SLC24A3: variants seen among roughly 807,000 people sequenced by gnomAD.
SLC24A3 encodes the protein sodium/potassium/calcium exchanger 3.
A neutral mutation model predicts 75.8 loss-of-function variants in SLC24A3; 28 were observed. That is an observed-to-expected ratio of 0.37 (90% CI 0.27 to 0.51). SLC24A3 has a LOEUF of 0.51. Among genes scored for constraint, SLC24A3 ranks in the 20% least tolerant of loss-of-function variants. The pLI, the probability that SLC24A3 is intolerant of heterozygous loss-of-function variation, is 0.94. For missense variants in SLC24A3, 663 were observed against 847.8 expected (o/e 0.78, Z 2.71); for synonymous variants, 372 against 334.1 (o/e 1.11, Z -1.24).
intron 8 of SLC24A3, among the ~76,000 whole-genome samples, chr20:19,670,821 C>G (rs6112507): frequency 1.3e-5 from 2 of 152,144 alleles, no homozygotes; most frequent in South Asian, 4.1e-4. Context: ...GGAGTGTCAC[C>G]TGCACAGATG....
chr20:19,611,594 T>A (rs542532476), intron 6 of SLC24A3, among the ~76,000 whole-genome samples: 1 of 152,334 alleles, frequency 6.6e-6, no homozygotes, highest in South Asian at 2.1e-4. Flanking sequence ...GGAATTGGGA[T>A]GGTTTGTTCC....
In SLC24A3 at chr20:19,360,629, C is replaced by T. The variant is rs568308429; in HGVS notation, c.271+79542C>T. On this transcript the variant is annotated intron_variant, in intron 2 of 16. Coordinates refer to ENST00000328041, the MANE Select transcript of SLC24A3 (RefSeq NM_020689.4). ...TTGGTATCTTAACATGTGGATATTA[C>T]AACATCTGAACCTGTGAATGTCTAC... is the stretch of plus-strand genomic sequence containing the variant. Among the ~76,000 whole-genome samples the T allele has an allele frequency of 5.9e-5, 9 of 152,322 alleles. No individual in the cohort carries two copies. In the South Asian group the frequency reaches 1.7e-3, roughly 28 times the overall value.
rs369292232 is a variant in SLC24A3 at position 19,303,433 on chromosome 20, C to G, written c.271+22346C>G. On this transcript the variant is annotated intron_variant, in intron 2 of 16. Coordinates refer to ENST00000328041, the MANE Select transcript of SLC24A3 (RefSeq NM_020689.4). Reference sequence around the variant, plus strand: ...CCGTTGATGGGCATTTAGGTTGATTCCATGTCCTTGCTATTGTGAATAGTG... The same window carrying G: ...CCGTTGATGGGCATTTAGGTTGATTGCATGTCCTTGCTATTGTGAATAGTG... Among the ~76,000 whole-genome samples, 84 of 152,310 alleles carry G rather than the reference C, an allele frequency of 5.5e-4. 1 individual carries two copies. In the South Asian group the frequency reaches 0.017, roughly 32 times the overall value.
At chr20:19,606,175 T>C (rs995613483) in intron 6 of SLC24A3, among the ~76,000 whole-genome samples, 4 of 152,198 alleles carry the variant, frequency 2.6e-5, no homozygotes, top group African/African-American at 9.6e-5. Flanking sequence ...TACCCAGGGG[T>C]GCAGGTGAGG....
intron 2 of SLC24A3, among the ~76,000 whole-genome samples, chr20:19,501,291 C>T (rs898233256): frequency 6.6e-6 from 1 of 152,130 alleles, no homozygotes; most frequent in East Asian, 1.9e-4. Context: ...ACAACTAAGC[C>T]AAATTTTCAC....
At chr20:19,278,395 G>A (rs924100106) in intron 1 of SLC24A3, among the ~76,000 whole-genome samples, 8 of 152,138 alleles carry the variant, frequency 5.3e-5, no homozygotes, top group Admixed American at 1.3e-4. Flanking sequence ...ATCACCTCCC[G>A]TATAAACCAC....
chr20:19,569,329 C>T (rs777997355), intron 3 of SLC24A3, among the ~76,000 whole-genome samples: 4 of 152,168 alleles, frequency 2.6e-5, no homozygotes, highest in Non-Finnish European at 5.9e-5. Flanking sequence ...CTTAGTACAT[C>T]GGCAGTGAGG....
intron 6 of SLC24A3, among the ~76,000 whole-genome samples, chr20:19,639,670 G>A (rs985981107): frequency 8.5e-5 from 13 of 152,238 alleles, no homozygotes; most frequent in Admixed American, 3.3e-4. Context: ...ACTGGGTGCC[G>A]AGGAGCAGGG....
chr20:19,560,477 G>A (rs2030857800), intron 3 of SLC24A3, among the ~76,000 whole-genome samples: 1 of 152,232 alleles, frequency 6.6e-6, no homozygotes, highest in Non-Finnish European at 1.5e-5. Flanking sequence ...TGAGGTGTGG[G>A]TAGGAAGCTG....
At chr20:19,489,390 A>G (rs1006347329) in intron 2 of SLC24A3, among the ~76,000 whole-genome samples, 1 of 152,240 alleles carries the variant, frequency 6.6e-6, no homozygotes, top group Non-Finnish European at 1.5e-5. Context: ...TTTAATTAAC[A>G]TTGCAGGTTA....
At chr20:19,685,034 A>G (rs1008579473) in intron 11 of SLC24A3, 66 bp from the exon 12 acceptor site, 4 of 1,521,994 alleles carry the variant, frequency 2.6e-6, no homozygotes, top group Non-Finnish European at 3.5e-6. Flanking sequence ...CCAACAGCTC[A>G]TGTTCTGAGT....
chr20:19,268,407 C>G (rs1983228878), intron 1 of SLC24A3, among the ~76,000 whole-genome samples: 1 of 152,300 alleles, frequency 6.6e-6, no homozygotes, highest in South Asian at 2.1e-4. Flanking sequence ...GCACACAATT[C>G]TGAAGGTGGG....
chr20:19,670,095 C>T (rs532790770), intron 8 of SLC24A3, among the ~76,000 whole-genome samples: 94 of 152,060 alleles, frequency 6.2e-4, no homozygotes, highest in African/African-American at 2.2e-3. Context: ...GGAAACATGT[C>T]GTACAAAACC....
intron 9 of SLC24A3, among the ~76,000 whole-genome samples, chr20:19,677,008 G>A (rs1016155597): frequency 6.6e-6 from 1 of 152,178 alleles, no homozygotes; most frequent in Admixed American, 6.5e-5. Context: ...TATTCCATGA[G>A]AACGGAATGT....
intron 2 of SLC24A3, among the ~76,000 whole-genome samples, chr20:19,511,383 A>G (rs1988535159): frequency 6.7e-6 from 1 of 150,340 alleles, no homozygotes; most frequent in Non-Finnish European, 1.5e-5. Flanking sequence ...GCTGGAGTAC[A>G]GTGGCGTGAT....
chr20:19,351,099 G>A (rs1369623407), intron 2 of SLC24A3, among the ~76,000 whole-genome samples: 1 of 152,192 alleles, frequency 6.6e-6, no homozygotes, highest in East Asian at 1.9e-4. Context: ...TCCAGGCCCA[G>A]GGCTGGCCTC....
At chr20:19,538,530 T>C (rs960901625) in intron 3 of SLC24A3, among the ~76,000 whole-genome samples, 1 of 152,198 alleles carries the variant, frequency 6.6e-6, no homozygotes, top group East Asian at 1.9e-4. Flanking sequence ...TTGTTTGACT[T>C]CCTTATTCAT....
chr20:19,465,380 A>T (rs77754212), intron 2 of SLC24A3, among the ~76,000 whole-genome samples: 1 of 103,202 alleles, frequency 9.7e-6, no homozygotes, highest in African/African-American at 3.6e-5. Flanking sequence ...AGGGCTGGAG[A>T]ATTTTTTTTT....
chr20:19,558,627 A>C (rs189207297), intron 3 of SLC24A3, among the ~76,000 whole-genome samples: 31 of 152,240 alleles, frequency 2.0e-4, no homozygotes, highest in Admixed American at 2.0e-3. Flanking sequence ...GGGCCAGTTT[A>C]AGTTTGTCAT....
Sources: gnomAD v4.1 joint callset for allele counts (sites outside exome capture counted in the v4.1 genomes callset) on GRCh38, gnomAD v4.1.1 for gene constraint, MANE v1.5 for transcripts, NCBI Gene and HGNC (gene_info 2026-07-23, HGNC 2026-07-21) for gene names.